KDM4C: variants seen among roughly 807,000 people sequenced by gnomAD.
KDM4C encodes the protein lysine demethylase 4C, also known as lysine-specific demethylase 4C.
Under a neutral mutation model 129.3 loss-of-function variants are expected in KDM4C, and 81 were observed. The ratio of observed to expected loss-of-function variants is 0.63; its 90% confidence interval spans 0.52 to 0.75. The LOEUF is 0.75. Ranked by LOEUF, KDM4C falls within the 30% of genes least tolerant of loss-of-function variation. The pLI, the probability that KDM4C is intolerant of heterozygous loss-of-function variation, is 0.00. For synonymous variants in KDM4C, 573 were observed against 456.1 expected (o/e 1.26, Z -3.26); for missense variants, 1,457 against 1,304.0 (o/e 1.12, Z -1.81).
At chr9:7,136,323 T>C (rs1243011291) in intron 19 of KDM4C, among the ~76,000 whole-genome samples, 1 of 152,236 alleles carries the variant, frequency 6.6e-6, no homozygotes. Context: ...GACATGTGTT[T>C]TCATTTCTCT....
intron 17 of KDM4C, chr9:7,077,080 T>G: frequency 1.0e-6 from 1 of 985,516 alleles, no homozygotes; most frequent in Non-Finnish European, 1.2e-6. Context: ...CTATCACTCA[T>G]TCATCAAAGT....
At chr9:6,943,976 T>A (rs1226696597) in intron 8 of KDM4C, among the ~76,000 whole-genome samples, 2 of 152,182 alleles carry the variant, frequency 1.3e-5, no homozygotes, top group Admixed American at 1.3e-4. Context: ...TTTACCTGGA[T>A]CCTTGCTAAT....
At chr9:6,772,627 C>G (rs1254027903) in intron 1 of KDM4C, among the ~76,000 whole-genome samples, 1 of 151,734 alleles carries the variant, frequency 6.6e-6, no homozygotes, top group Non-Finnish European at 1.5e-5. Flanking sequence ...TCCCAAAGTG[C>G]TGGGATTACA....
At chr9:7,137,518 C>T (rs536690926) in intron 19 of KDM4C, among the ~76,000 whole-genome samples, 2 of 152,228 alleles carry the variant, frequency 1.3e-5, no homozygotes, top group Admixed American at 6.5e-5. Flanking sequence ...ACTTTTAAAT[C>T]GTTTCTTGCT....
At chr9:6,841,249 G>A (rs1836860425) in intron 4 of KDM4C, among the ~76,000 whole-genome samples, 1 of 152,038 alleles carries the variant, frequency 6.6e-6, no homozygotes, top group Admixed American at 6.5e-5. Flanking sequence ...TGGCTCTGTG[G>A]CACTGAAACT....
chr9:7,061,451 C>A (rs770148820), intron 17 of KDM4C, among the ~76,000 whole-genome samples: 3 of 152,170 alleles, frequency 2.0e-5, no homozygotes, highest in Non-Finnish European at 4.4e-5. Flanking sequence ...GGTTGCTTGC[C>A]CATTTTTAAT....
At chr9:6,746,414 G>A (rs1817876500) in intron 1 of KDM4C, among the ~76,000 whole-genome samples, 1 of 150,508 alleles carries the variant, frequency 6.6e-6, no homozygotes, top group South Asian at 2.1e-4. Context: ...GACTACAGGC[G>A]CTCGCCACAA....
At chr9:6,820,135 G>T (rs530207465) in intron 4 of KDM4C, among the ~76,000 whole-genome samples, 2 of 152,168 alleles carry the variant, frequency 1.3e-5, no homozygotes, top group Admixed American at 6.5e-5. Flanking sequence ...ACTTTGTGGG[G>T]TGGAGGGACA....
intron 4 of KDM4C, among the ~76,000 whole-genome samples, chr9:6,836,407 T>C (rs184701496): frequency 6.6e-6 from 1 of 152,180 alleles, no homozygotes; most frequent in East Asian, 1.9e-4. Flanking sequence ...TGTTGAAATC[T>C]TAATATTTGA....
intron 4 of KDM4C, among the ~76,000 whole-genome samples, chr9:6,819,759 TCAG>T (rs1832708784): frequency 6.6e-6 from 1 of 152,226 alleles, no homozygotes; most frequent in Non-Finnish European, 1.5e-5. Context: ...TTGCTTACTG[TCAG>T]GAATGTTTGA....
At position 6,758,150 on chromosome 9, in the gene KDM4C, T is replaced by A; in HGVS notation, c.-71T>A. 1 of 985,668 alleles carries A rather than the reference T, an allele frequency of 1.0e-6. No homozygotes were observed. The highest frequency in any genetic ancestry group is 1.2e-6 in the Non-Finnish European group (1 of 830,156). 61.1% of individuals were successfully genotyped at this position (985,668 alleles called of 1,614,324 possible). On this transcript the variant is annotated 5_prime_UTR_variant, in exon 1 of 22. Coordinates refer to ENST00000381309, the MANE Select transcript of KDM4C (RefSeq NM_015061.6). The surrounding 1 kb of genome is among the most constrained non-coding windows in gnomAD (Gnocchi z 4.6). ...CAAATCTCCCTGGGCCGGAGGCCAC[T>A]GTCTTCTCTTCCTCCTCCACCGAGT...
intron 18 of KDM4C, among the ~76,000 whole-genome samples, chr9:7,110,908 G>A (rs1209006158): frequency 6.6e-6 from 1 of 152,128 alleles, no homozygotes; most frequent in South Asian, 2.1e-4. Flanking sequence ...CCCAGCACTT[G>A]TTTAGCCAGA....
chr9:6,893,245 T>G lies in KDM4C; in HGVS notation c.921+13T>G. On this transcript the variant is annotated intron_variant, in intron 8 of 21. Coordinates refer to ENST00000381309, the MANE Select transcript of KDM4C (RefSeq NM_015061.6). ...AGTTGCCAAATTGGTAAGCTATGCC[T>G]CAAAAATAAAGCAAAAATTAAATGT... 4 of 1,597,314 alleles carry G rather than the reference T, an allele frequency of 2.5e-6. No individual in the cohort carries two copies. The highest frequency in any genetic ancestry group is 3.4e-6 in the Non-Finnish European group (4 of 1,173,028).
intron 4 of KDM4C, among the ~76,000 whole-genome samples, chr9:6,816,167 T>C (rs1462285965): frequency 6.6e-6 from 1 of 152,232 alleles, no homozygotes; most frequent in Non-Finnish European, 1.5e-5. Flanking sequence ...CAGCCTTTCA[T>C]TCAGTGGATT....
chr9:7,033,856 G>C (rs1246762861), intron 15 of KDM4C, among the ~76,000 whole-genome samples: 1 of 152,112 alleles, frequency 6.6e-6, no homozygotes, highest in Non-Finnish European at 1.5e-5. Flanking sequence ...CTACACACCA[G>C]GCTGTGCTTG....
At chr9:6,741,723 C>CT (rs1164663856) in intron 1 of KDM4C, among the ~76,000 whole-genome samples, 250 of 102,804 alleles carry the variant, frequency 2.4e-3, no homozygotes, top group Middle Eastern at 0.011. Context: ...TTATTCAGCA[C>CT]TTTTTTTTTT....
chr9:6,822,850 A>G (rs1833264065), intron 4 of KDM4C, among the ~76,000 whole-genome samples: 1 of 152,242 alleles, frequency 6.6e-6, no homozygotes, highest in Admixed American at 6.5e-5. Context: ...GCCAGTAGCC[A>G]TGTACACCTG....
chr9:7,093,353 A>G (rs1836026472), intron 17 of KDM4C, among the ~76,000 whole-genome samples: 1 of 152,218 alleles, frequency 6.6e-6, no homozygotes, highest in South Asian at 2.1e-4. Context: ...TTTATGCTCC[A>G]TCTTTTTTCA....
intron 8 of KDM4C, among the ~76,000 whole-genome samples, chr9:6,951,029 T>C (rs538540671): frequency 1.3e-5 from 2 of 152,136 alleles, no homozygotes; most frequent in Admixed American, 6.5e-5. Context: ...ATTTTTAAAT[T>C]TTATTTTATT....
Sources: allele counts gnomAD v4.1 joint callset (sites outside exome capture counted in the v4.1 genomes callset), GRCh38; gene constraint gnomAD v4.1.1; non-coding constraint Gnocchi (gnomAD v3.1); transcripts MANE v1.5; gene names NCBI Gene and HGNC (gene_info 2026-07-23, HGNC 2026-07-21).